ROBO2: variants seen among roughly 807,000 people sequenced by gnomAD.
The protein encoded by ROBO2 is roundabout guidance receptor 2.
A neutral mutation model predicts 160.8 loss-of-function variants in ROBO2; 53 were observed. The observed-to-expected ratio is 0.33, with a 90% CI of 0.26 to 0.41. The LOEUF (loss-of-function observed/expected upper bound fraction) is 0.41, where lower values mean the gene tolerates loss of function less well. ROBO2 is among the 10% of genes least tolerant of loss of function. The pLI is 1.00. For synonymous variants in ROBO2, 664 were observed against 611.7 expected (o/e 1.09, Z -1.26); for missense variants, 1,577 against 1,722.4 (o/e 0.92, Z 1.49).
chr3:76,143,333 G>A (rs1349662714), intron 2 of ROBO2, among the ~76,000 whole-genome samples: 9 of 151,982 alleles, frequency 5.9e-5, no homozygotes, highest in African/African-American at 1.2e-4. Context: ...GCCTGACTTA[G>A]CTGGGCATTT....
intron 2 of ROBO2, among the ~76,000 whole-genome samples, chr3:76,519,851 G>A (rs766671939): frequency 1.3e-5 from 2 of 152,136 alleles, no homozygotes; most frequent in East Asian, 1.9e-4. Flanking sequence ...TTTTCCCAGC[G>A]CTCTGATGCA....
rs10663209 is a variant in ROBO2, at chr3:77,286,256, C to CT, written c.388+187935dup. On this transcript the variant is annotated intron_variant, in intron 2 of 25. Transcript: ENST00000461745. ...AGCCTAGAAACACAAAATTATGGAG[C>CT]TTTTTTTTTTTTTTTTTTTGAGCTT... is the stretch of plus-strand genomic sequence containing the variant. Among the ~76,000 whole-genome samples the CT allele has an allele frequency of 5.6e-3, 674 of 119,812 alleles. 9 individuals carry two copies. The highest frequency in any genetic ancestry group is 8.5e-3 in the Middle Eastern group (2 of 236). The allele number at this position is 119,812 out of a possible 152,430, so 78.6% of individuals were successfully genotyped here. A position where few individuals can be genotyped will look rare whatever the true frequency, so the allele number is the denominator to read the frequency against.
chr3:77,468,352 A>G (rs1447306278), intron 2 of ROBO2, among the ~76,000 whole-genome samples: 1 of 152,196 alleles, frequency 6.6e-6, no homozygotes, highest in Non-Finnish European at 1.5e-5. Flanking sequence ...AGATGTCACC[A>G]GTTTGCAGTG....
chr3:76,704,902 T>A (rs3911525), intron 2 of ROBO2, among the ~76,000 whole-genome samples: 6,975 of 152,210 alleles, frequency 0.046, 269 homozygotes, highest in Middle Eastern at 0.14. Context: ...TTAATTAATT[T>A]ATTTTGCATC....
rs143953650 is a variant in ROBO2, at chr3:76,017,014, G to T, written c.109+79412G>T. On this transcript the variant is annotated intron_variant, in intron 2 of 26. Transcript: ENST00000487694. The stretch of plus-strand genomic sequence containing the variant: ...TGAGGTTTCAGAAAAAAAGAAAGCA[G>T]CCTGTGTTTTGCATAAACAACTGTA... 1.5e-3 allele frequency among the ~76,000 whole-genome samples: 221 copies of T among 152,208 alleles called. 3 individuals are homozygous for T. The highest frequency in any genetic ancestry group is 5.2e-3 in the African/African-American group (215 of 41,554).
intron 2 of ROBO2, among the ~76,000 whole-genome samples, chr3:76,366,334 C>T (rs1251398946): frequency 6.6e-6 from 1 of 151,996 alleles, no homozygotes; most frequent in Non-Finnish European, 1.5e-5. Flanking sequence ...ATTTATTTAT[C>T]TCTACTCTAT....
intron 2 of ROBO2, among the ~76,000 whole-genome samples, chr3:76,265,669 A>G (rs924947977): frequency 4.6e-5 from 7 of 152,164 alleles, no homozygotes; most frequent in African/African-American, 1.4e-4. Context: ...GATGGATACT[A>G]TTATGATTCC....
At chr3:77,509,730 A>G (rs2089127202) in intron 5 of ROBO2, among the ~76,000 whole-genome samples, 1 of 152,046 alleles carries the variant, frequency 6.6e-6, no homozygotes, top group Admixed American at 6.6e-5. Flanking sequence ...ATGAGAGACT[A>G]TAACCTTCCC....
chr3:77,622,515 G>T, intron 23 of ROBO2, 83 bp downstream of exon 24: 2 of 1,094,662 alleles, frequency 1.8e-6, no homozygotes, highest in Non-Finnish European at 2.7e-6. Flanking sequence ...CTTATTGTAA[G>T]ATTTATTCCA....
chr3:76,262,047 T>A (rs1706802912), intron 2 of ROBO2, among the ~76,000 whole-genome samples: 1 of 152,128 alleles, frequency 6.6e-6, no homozygotes, highest in South Asian at 2.1e-4. Flanking sequence ...TAGAAGCCTG[T>A]CACGTGGTGG....
At chr3:76,920,494 A>C (rs933566117) in intron 2 of ROBO2, among the ~76,000 whole-genome samples, 3 of 152,186 alleles carry the variant, frequency 2.0e-5, no homozygotes, top group African/African-American at 7.2e-5. Context: ...TTGAAAAGTT[A>C]GTTTTTGGTT....
chr3:76,084,139 C>T (rs2068929444), intron 2 of ROBO2, among the ~76,000 whole-genome samples: 1 of 152,056 alleles, frequency 6.6e-6, no homozygotes, highest in Admixed American at 6.6e-5. Flanking sequence ...CAGCTGCTGC[C>T]ATGTTGTAAT....
intron 2 of ROBO2, among the ~76,000 whole-genome samples, chr3:76,139,285 C>T (rs1318579461): frequency 6.6e-6 from 1 of 151,872 alleles, no homozygotes; most frequent in Non-Finnish European, 1.5e-5. Flanking sequence ...CAACAATTTC[C>T]TTTTTTCTCA....
intron 2 of ROBO2, among the ~76,000 whole-genome samples, chr3:77,183,370 G>A (rs2150869472): frequency 6.6e-6 from 1 of 152,118 alleles, no homozygotes; most frequent in South Asian, 2.1e-4. Flanking sequence ...AAACCCTAGT[G>A]TCTCAGAATG....
intron 19 of ROBO2, among the ~76,000 whole-genome samples, chr3:77,599,195 A>T (rs1454453686): frequency 6.6e-6 from 1 of 151,366 alleles, no homozygotes; most frequent in Admixed American, 6.6e-5. Context: ...TACTGTTAAA[A>T]TTTTTTGTAT....
At chr3:76,260,753 A>G (rs1025193837) in intron 2 of ROBO2, among the ~76,000 whole-genome samples, 1 of 152,164 alleles carries the variant, frequency 6.6e-6, no homozygotes, top group Admixed American at 6.5e-5. Context: ...AAAGGATCGC[A>G]CAATAATGCT....
intron 2 of ROBO2, among the ~76,000 whole-genome samples, chr3:77,018,813 T>C (rs1334990245): frequency 6.6e-6 from 1 of 152,112 alleles, no homozygotes; most frequent in Non-Finnish European, 1.5e-5. Flanking sequence ...AGTAGTAAAA[T>C]TTATAGAGAC....
chr3:76,125,233 T>C (rs1434259104), intron 2 of ROBO2, among the ~76,000 whole-genome samples: 1 of 152,158 alleles, frequency 6.6e-6, no homozygotes, highest in Non-Finnish European at 1.5e-5. Flanking sequence ...ACAATTTCTT[T>C]ATCCAATCTA....
chr3:76,687,568 C>CT (rs2092712320), intron 2 of ROBO2, among the ~76,000 whole-genome samples: 1 of 151,874 alleles, frequency 6.6e-6, no homozygotes, highest in Non-Finnish European at 1.5e-5. Context: ...GAAAACAGTC[C>CT]TCTAGGCTTC....
Sources: allele counts gnomAD v4.1 joint callset (sites outside exome capture counted in the v4.1 genomes callset), GRCh38; gene constraint gnomAD v4.1.1; transcripts MANE v1.5; gene names NCBI Gene and HGNC (gene_info 2026-07-23, HGNC 2026-07-21).